Variants in SLC2A2 observed in about 807,000 individuals in gnomAD.
The protein encoded by SLC2A2 is solute carrier family 2, facilitated glucose transporter member 2.
SLC2A2 carries 36 observed loss-of-function variants against 54.5 expected under a neutral mutation model. That is an observed-to-expected ratio of 0.66 (90% CI 0.51 to 0.87). The LOEUF (loss-of-function observed/expected upper bound fraction) is 0.87. SLC2A2 is among the 40% of genes least tolerant of loss of function. The pLI is 0.00. For synonymous variants in SLC2A2, 223 were observed against 219.1 expected, an observed-to-expected ratio of 1.02 and a Z score of -0.16; for missense variants, 543 against 624.3, an observed-to-expected ratio of 0.87 and a Z score of 1.39.
In SLC2A2 at chr3:171,007,265, T is replaced by G; in HGVS notation, c.497-2A>C. 6.4e-7 allele frequency: 1 copy of G among 1,567,040 alleles called. No individual in the cohort carries two copies. The highest frequency in any genetic ancestry group is 8.8e-7 in the Non-Finnish European group (1 of 1,137,896). ...TAGGAACCAGGCCTGAAATTAGCCC[T>G]GCATGAAACATAAACATAAATGTTA... On this transcript the variant is annotated splice_acceptor_variant, in intron 4 of 10. Coordinates refer to ENST00000314251, the MANE Select transcript of SLC2A2 (RefSeq NM_000340.2). LOFTEE classifies it high-confidence loss of function.
chr3:171,025,418 C>T (rs1716645914), intron 1 of SLC2A2, among the ~76,000 whole-genome samples: 1 of 151,726 alleles, frequency 6.6e-6, no homozygotes, highest in Admixed American at 6.6e-5. Context: ...CTAAGCCTCT[C>T]TAATATAATC....
intron 5 of SLC2A2, among the ~76,000 whole-genome samples, 178 bp from the exon 6 acceptor site, chr3:171,006,283 A>T (rs1035669648): frequency 6.8e-6 from 1 of 148,034 alleles, no homozygotes; most frequent in African/African-American, 2.6e-5. Flanking sequence ...ACTATTTGTT[A>T]TATAAGGAAT....
Position 171,018,549 on chromosome 3 carries a change from C to A in SLC2A2, c.90G>T (p.Val30=). Residue 30 remains valine, a synonymous_variant, in exon 2 of 11, where the codon GTG becomes GTT. Coordinates refer to ENST00000314251, the MANE Select transcript of SLC2A2 (RefSeq NM_000340.2). ...GSFQFGYDIG[V]INAPQQVIIS... The stretch of plus-strand genomic sequence containing the variant: ...CACTTGCCTGTTGAGGTGCATTGAT[C>A]ACACCAATGTCATATCCAAACTGGA... The A allele has an allele frequency of 6.2e-7, 1 of 1,612,088 alleles. No homozygotes were observed. Among genetic ancestry groups the A allele is most frequent in the South Asian group, 1.1e-5 (1 of 91,034 alleles).
intron 7 of SLC2A2, among the ~76,000 whole-genome samples, chr3:171,003,278 A>G (rs1006184772): frequency 2.0e-5 from 3 of 151,980 alleles, no homozygotes; most frequent in Non-Finnish European, 4.4e-5. Flanking sequence ...TATCATTACT[A>G]TGTAGTATTT....
chr3:171,009,804 G>A (rs1287339241), intron 4 of SLC2A2, among the ~76,000 whole-genome samples, 154 bp downstream of exon 4: 1 of 151,776 alleles, frequency 6.6e-6, no homozygotes, highest in Non-Finnish European at 1.5e-5. Flanking sequence ...CCCAACTCAG[G>A]ATTTCAACTT....
chr3:171,005,322 A>G lies in SLC2A2; in HGVS notation c.926T>C (p.Met309Thr), dbSNP rs1312418962. Residue 309 changes from methionine to threonine, a missense_variant, in exon 7 of 11, where the codon ATG (methionine) becomes ACG (threonine). Physicochemically the swap from Met to Thr is moderately conservative, Grantham distance 81. Transcript: ENST00000314251. ...SYRQPILVAL[M>T]LHVAQQFSGI... Reference sequence around the variant, plus strand: ...GGAAAATTGCTGAGCCACATGCAGCATCAGTGCCACTAGAATAGGCTGTCG... The same window carrying G: ...GGAAAATTGCTGAGCCACATGCAGCGTCAGTGCCACTAGAATAGGCTGTCG... 1 of 1,613,074 alleles carries G rather than the reference A, an allele frequency of 6.2e-7. No individual in the cohort carries two copies.
At chr3:171,001,771 G>C (rs937866776) in intron 8 of SLC2A2, among the ~76,000 whole-genome samples, 11 of 148,372 alleles carry the variant, frequency 7.4e-5, no homozygotes, top group African/African-American at 2.8e-4. Context: ...AGATATTCTT[G>C]TTGTCAGGTT....
intron 2 of SLC2A2, among the ~76,000 whole-genome samples, chr3:171,016,023 G>C (rs928812906): frequency 3.3e-5 from 5 of 152,162 alleles, no homozygotes; most frequent in Non-Finnish European, 7.4e-5. Flanking sequence ...GGTACTCTCT[G>C]AAAAGGACCT....
At chr3:170,998,126 C>T (rs1560031326) in intron 10 of SLC2A2, 23 bp from the exon 11 acceptor site, 1 of 1,613,396 alleles carries the variant, frequency 6.2e-7, no homozygotes, top group Non-Finnish European at 8.5e-7. Flanking sequence ...CAAACACAGA[C>T]TTTGAGTTAG....
At position 170,998,066 on chromosome 3, in the gene SLC2A2, C is replaced by G. The variant is rs374342938; in HGVS notation, c.1412G>C (p.Gly471Ala). 3.4e-5 allele frequency: 55 copies of G among 1,613,460 alleles called. No individual in the cohort carries two copies. The highest frequency in any genetic ancestry group is 1.6e-4 in the Middle Eastern group (1 of 6,082). Reference protein sequence around the residue: ...CGPYVFFLFAGVLLAFTLFTF... With the variant: ...CGPYVFFLFAAVLLAFTLFTF... Reference sequence around the variant, plus strand: ...GAACAGGGTAAAGGCCAGGAGCACTCCAGCAAAGAGGAAAAACACATAAGG... The same window carrying G: ...GAACAGGGTAAAGGCCAGGAGCACTGCAGCAAAGAGGAAAAACACATAAGG... Residue 471 changes from glycine to alanine, a missense_variant, in exon 11 of 11, where the codon GGA (glycine) becomes GCA (alanine). Gly to Ala is a moderately conservative substitution (Grantham distance 60). Around this residue, in one of 3 missense-constraint regions of SLC2A2, gnomAD observed 108 missense variants for 101.3 expected, o/e 1.07. Coordinates refer to ENST00000314251, the MANE Select transcript of SLC2A2 (RefSeq NM_000340.2).
chr3:171,026,330 G>A (rs371357771), intron 1 of SLC2A2, among the ~76,000 whole-genome samples: 40 of 146,506 alleles, frequency 2.7e-4, no homozygotes, highest in African/African-American at 9.8e-4. Context: ...GAAGATTCCC[G>A]ATGAGTTTTC....
At chr3:171,020,951 CATT>C (rs1716435264) in intron 1 of SLC2A2, among the ~76,000 whole-genome samples, 1 of 150,738 alleles carries the variant, frequency 6.6e-6, no homozygotes, top group African/African-American at 2.4e-5. Context: ...TTATATATAT[CATT>C]TATATCTTAC....
chr3:171,010,438 A>G (rs141671996), intron 3 of SLC2A2, among the ~76,000 whole-genome samples: 180 of 152,260 alleles, frequency 1.2e-3, no homozygotes, highest in Non-Finnish European at 2.3e-3. Flanking sequence ...TAATCTCTAC[A>G]TTTTGATAGA....
chr3:171,023,860 TA>T (rs1259588225), intron 1 of SLC2A2, among the ~76,000 whole-genome samples: 2 of 152,184 alleles, frequency 1.3e-5, no homozygotes, highest in African/African-American at 4.8e-5. Context: ...GCTTGCACTT[TA>T]AAAAATGCTA....
chr3:171,005,536 G>T (rs1715555729), intron 6 of SLC2A2, 64 bp from the exon 7 acceptor site: 3 of 1,302,556 alleles, frequency 2.3e-6, no homozygotes, highest in South Asian at 2.4e-5. Flanking sequence ...TTATTTTTAT[G>T]TTAATGAAAG....
chr3:171,014,269 T>C (rs1716021696), intron 3 of SLC2A2, among the ~76,000 whole-genome samples, 200 bp downstream of exon 3: 1 of 152,198 alleles, frequency 6.6e-6, no homozygotes, highest in Non-Finnish European at 1.5e-5. Flanking sequence ...TTGGTATAAA[T>C]GTCTGAACAA....
chr3:171,004,983 G>T (rs1367339193), intron 7 of SLC2A2, among the ~76,000 whole-genome samples: 3 of 151,744 alleles, frequency 2.0e-5, no homozygotes, highest in African/African-American at 7.3e-5. Context: ...AGTTTTTTGG[G>T]GGAGGGTTGT....
rs780067980 is a variant in SLC2A2, at chr3:171,005,296, C to T, written c.952G>A (p.Gly318Arg). ...GTTCTTAAACTTACGCCATTGATTC[C>T]GGAAAATTGCTGAGCCACATGCAGC... ...LMLHVAQQFS[G>R]INGIFYYSTS... Residue 318 changes from glycine to arginine, a missense_variant, in exon 7 of 11, where the codon GGA (glycine) becomes AGA (arginine). Coordinates refer to ENST00000314251, the MANE Select transcript of SLC2A2 (RefSeq NM_000340.2). 8.1e-6 allele frequency: 13 copies of T among 1,612,566 alleles called. No homozygotes were observed. The highest frequency in any genetic ancestry group is 2.7e-5 in the African/African-American group (2 of 74,796).
chr3:171,020,271 C>A (rs979724522), intron 1 of SLC2A2, among the ~76,000 whole-genome samples: 1 of 152,082 alleles, frequency 6.6e-6, no homozygotes, highest in Non-Finnish European at 1.5e-5. Context: ...TCCTGGGAGC[C>A]CTTGAAATTA....
Sources: gnomAD v4.1 joint callset for allele counts (sites outside exome capture counted in the v4.1 genomes callset) on GRCh38, gnomAD v4.1.1 for gene constraint, gnomAD v4.1.1 regional missense constraint, MANE v1.5 for transcripts, NCBI Gene and HGNC (gene_info 2026-07-23, HGNC 2026-07-21) for gene names.